The following EGLN3 variants were observed in gnomAD, a reference collection of about 807,000 sequenced individuals.
The protein encoded by EGLN3 is prolyl hydroxylase EGLN3.
A neutral mutation model predicts 26.0 loss-of-function variants in EGLN3; 15 were observed. The observed-to-expected ratio is 0.58, with a 90% CI of 0.39 to 0.89. The LOEUF (loss-of-function observed/expected upper bound fraction) is 0.89, where lower values mean the gene tolerates loss of function less well. Ranked by LOEUF, EGLN3 falls within the 40% of genes least tolerant of loss-of-function variation. The probability of loss-of-function intolerance (pLI) is 0.00; values close to 1 mark genes in which losing one functional copy is unlikely to be tolerated. For synonymous variants in EGLN3, 147 were observed against 127.2 expected (o/e 1.16, Z -1.05); for missense variants, 238 against 311.6 (o/e 0.76, Z 1.78).
At chr14:33,932,264 A>C in intron 1 of EGLN3, among the ~76,000 whole-genome samples, 1 of 152,230 alleles carries the variant, frequency 6.6e-6, no homozygotes, top group East Asian at 1.9e-4. Flanking sequence ...TGTGATAAAT[A>C]AATCAATGAA....
At chr14:33,934,863 ATC>A (rs1240017217) in intron 1 of EGLN3, among the ~76,000 whole-genome samples, 1 of 152,250 alleles carries the variant, frequency 6.6e-6, no homozygotes, top group African/African-American at 2.4e-5. Flanking sequence ...TACTAATTAG[ATC>A]TCATTTTATT....
chr14:33,945,066 A>T (rs2064508577), intron 1 of EGLN3, among the ~76,000 whole-genome samples: 1 of 152,194 alleles, frequency 6.6e-6, no homozygotes, highest in Non-Finnish European at 1.5e-5. Flanking sequence ...TCTGTAAATT[A>T]TTACTGTGGA....
chr14:33,945,186 C>G (rs989175932), intron 1 of EGLN3, among the ~76,000 whole-genome samples: 4 of 152,188 alleles, frequency 2.6e-5, no homozygotes, highest in African/African-American at 4.8e-5. Flanking sequence ...AGCACTCCTT[C>G]TCCCCAAAAT....
At chr14:33,928,362 G>T (rs2064377135) in intron 3 of EGLN3, among the ~76,000 whole-genome samples, 1 of 152,098 alleles carries the variant, frequency 6.6e-6, no homozygotes. Context: ...CTCAGTATAA[G>T]CTGCACTCCA....
chr14:33,940,084 G>A (rs1012531015), intron 1 of EGLN3, among the ~76,000 whole-genome samples: 4 of 151,952 alleles, frequency 2.6e-5, no homozygotes, highest in South Asian at 2.1e-4. Context: ...AGATCCAAAG[G>A]GGGAATTTTA....
chr14:33,950,803 A>ACC lies in EGLN3; in HGVS notation c.-52_-51insGG. ...ATCCCCAGCGTGCAACCAGAGAGGG[A>ACC]ACGATCTACACGAGCGCGAAGCCGA... On this transcript the variant is annotated 5_prime_UTR_variant, in exon 1 of 5. Coordinates refer to ENST00000250457, the MANE Select transcript of EGLN3 (RefSeq NM_022073.4). 1 of 1,320,676 alleles carries ACC rather than the reference A, an allele frequency of 7.6e-7. No homozygotes were observed. The highest frequency in any genetic ancestry group is 2.2e-5 in the South Asian group (1 of 44,772). The allele number at this position is 1,320,676 out of a possible 1,614,324, so 81.8% of individuals were successfully genotyped here.
chr14:33,938,714 T>C (rs556526629), intron 1 of EGLN3, among the ~76,000 whole-genome samples: 2 of 152,226 alleles, frequency 1.3e-5, no homozygotes, highest in Non-Finnish European at 2.9e-5. Context: ...TCTGATGCCT[T>C]TCCCCAAATA....
intron 1 of EGLN3, among the ~76,000 whole-genome samples, chr14:33,933,314 G>GAAAAA (rs5807751): frequency 7.2e-6 from 1 of 139,382 alleles, no homozygotes. Flanking sequence ...TTAAAATATT[G>GAAAAA]AAAAAAAAAA....
intron 1 of EGLN3, among the ~76,000 whole-genome samples, chr14:33,939,036 C>T (rs2064461966): frequency 6.6e-6 from 1 of 152,198 alleles, no homozygotes; most frequent in Non-Finnish European, 1.5e-5. Context: ...CTTGTGACTG[C>T]AGGCTCATCA....
In EGLN3 at chr14:33,925,123, A is replaced by C. The variant is rs1433010533; in HGVS notation, c.*768T>G. 3.3e-5 allele frequency: 5 copies of C among 152,104 alleles called. No individual in the cohort carries two copies. The highest frequency in any genetic ancestry group is 6.5e-5 in the Admixed American group (1 of 15,268). 9.4% of individuals were successfully genotyped at this position (152,104 alleles called of 1,614,324 possible). A position where few individuals can be genotyped will look rare whatever the true frequency, so the allele number is the denominator to read the frequency against. On this transcript the variant is annotated 3_prime_UTR_variant, in exon 5 of 5. Coordinates refer to ENST00000250457, the MANE Select transcript of EGLN3 (RefSeq NM_022073.4). ...TTCCTTTCATTTAAATTTAAATTCC[A>C]TTCCAACAAAGCAACCAAAACAACT...
At position 33,950,473 on chromosome 14, in the gene EGLN3, G is replaced by A. The variant is rs1400779748; in HGVS notation, c.280C>T (p.Leu94Phe). Residue 94 changes from leucine to phenylalanine, a missense_variant, in exon 1 of 5, where the codon CTC (leucine) becomes TTC (phenylalanine). Coordinates refer to ENST00000250457, the MANE Select transcript of EGLN3 (RefSeq NM_022073.4). Reference protein sequence around the residue: ...NEEGCEAISFLLSLIDRLVLY... With the variant: ...NEEGCEAISFFLSLIDRLVLY... ...ACCAGCCTGTCGATGAGGGACAGGA[G>A]GAAGCTGATGGCCTCGCAGCCCTCC... 6.2e-7 allele frequency: 1 copy of A among 1,613,740 alleles called. No homozygotes were observed. The highest frequency in any genetic ancestry group is 8.5e-7 in the Non-Finnish European group (1 of 1,180,036).
At chr14:33,934,277 A>G (rs1300189015) in intron 1 of EGLN3, among the ~76,000 whole-genome samples, 3 of 152,258 alleles carry the variant, frequency 2.0e-5, no homozygotes, top group Non-Finnish European at 4.4e-5. Context: ...CTGGCTCTAG[A>G]CCAGAATATG....
At chr14:33,928,754 T>C (rs2064379653) in intron 3 of EGLN3, among the ~76,000 whole-genome samples, 2 of 151,864 alleles carry the variant, frequency 1.3e-5, no homozygotes, top group South Asian at 4.2e-4. Flanking sequence ...TAGTTCAACA[T>C]TAGGTTTTTT....
chr14:33,939,465 C>A (rs886283632), intron 1 of EGLN3, among the ~76,000 whole-genome samples: 3 of 152,126 alleles, frequency 2.0e-5, no homozygotes, highest in Admixed American at 2.0e-4. Context: ...CCGCCTCGGC[C>A]GCCCAAAGTG....
chr14:33,944,283 G>A (rs117719294), intron 1 of EGLN3, among the ~76,000 whole-genome samples: 2 of 152,016 alleles, frequency 1.3e-5, no homozygotes, highest in Non-Finnish European at 2.9e-5. Flanking sequence ...CACCATGCCC[G>A]GCTAGACTTT....
intron 1 of EGLN3, among the ~76,000 whole-genome samples, chr14:33,943,952 T>C (rs1048879903): frequency 6.6e-6 from 1 of 152,224 alleles, no homozygotes; most frequent in African/African-American, 2.4e-5. Flanking sequence ...CAAAACCTTA[T>C]GCAGAGACAG....
rs548114670 is a variant in EGLN3, at chr14:33,931,996, A to G, written c.358-781T>C. 3.3e-5 allele frequency among the ~76,000 whole-genome samples: 5 copies of G among 152,336 alleles called. No individual in the cohort carries two copies. In the South Asian group the frequency reaches 1.0e-3, roughly 32 times the overall value. ...TGAAAATTACCATTAGAGTAAACAG[A>G]CCTCTAATTGTTCCAAGGGAAAAAT... On this transcript the variant is annotated intron_variant, in intron 1 of 4. Coordinates refer to ENST00000250457, the MANE Select transcript of EGLN3 (RefSeq NM_022073.4).
chr14:33,931,183 T>G lies in EGLN3; in HGVS notation c.390A>C (p.Thr130=). ...AMVACYPGNG[T]GYVRHVDNPN... is the part of the protein sequence containing the mutation. ...GGTTGTCCACGTGGCGAACATAACC[T>G]GTTCCATTTCCCGGATAGCAAGCCA... Residue 130 remains threonine (T), a synonymous_variant, in exon 2 of 5, where the codon ACA becomes ACC. Coordinates refer to ENST00000250457, the MANE Select transcript of EGLN3 (RefSeq NM_022073.4). The G allele has an allele frequency of 6.2e-7, 1 of 1,614,204 alleles. No homozygotes were observed. Among genetic ancestry groups the G allele is most frequent in the Non-Finnish European group, 8.5e-7 (1 of 1,180,026 alleles).
chr14:33,931,616 A>G (rs888988966), intron 1 of EGLN3, among the ~76,000 whole-genome samples: 1 of 152,214 alleles, frequency 6.6e-6, no homozygotes, highest in African/African-American at 2.4e-5. Flanking sequence ...AGGGATTATG[A>G]CTGTTTAGCA....
Sources: gnomAD v4.1 joint callset for allele counts (sites outside exome capture counted in the v4.1 genomes callset) on GRCh38, gnomAD v4.1.1 for gene constraint, MANE v1.5 for transcripts, NCBI Gene and HGNC (gene_info 2026-07-23, HGNC 2026-07-21) for gene names.